CDH8: variants seen among roughly 807,000 people sequenced by gnomAD.
CDH8 encodes the protein cadherin 8.
In CDH8, 17 loss-of-function variants were observed where a neutral mutation model predicts 68.1. That is an observed-to-expected ratio of 0.25 (90% CI 0.17 to 0.37). CDH8 has a LOEUF of 0.37. Among genes scored for constraint, CDH8 ranks in the 10% least tolerant of loss-of-function variants. The pLI is 1.00. For synonymous variants in CDH8, 372 were observed against 365.1 expected (o/e 1.02, Z -0.21); for missense variants, 763 against 999.3 (o/e 0.76, Z 3.19).
intron 3 of CDH8, among the ~76,000 whole-genome samples, chr16:61,884,266 C>T (rs1946493758): frequency 1.3e-5 from 2 of 152,186 alleles, no homozygotes; most frequent in African/African-American, 4.8e-5. Flanking sequence ...AACTCCTTCT[C>T]TTCCTCCTCC....
intron 10 of CDH8, among the ~76,000 whole-genome samples, chr16:61,705,911 A>G (rs779611940): frequency 6.6e-6 from 1 of 152,220 alleles, no homozygotes; most frequent in Non-Finnish European, 1.5e-5. Context: ...CAGAGTCCTG[A>G]GGAAAACAAA....
intron 3 of CDH8, among the ~76,000 whole-genome samples, chr16:61,886,117 T>TTTATCTGTG (rs1448268474): frequency 3.9e-5 from 6 of 152,176 alleles, no homozygotes; most frequent in South Asian, 2.1e-4. Context: ...GCTCATTGCT[T>TTTATCTGTG]TTATCTGTGC....
At chr16:61,903,253 T>C (rs1340172668) in intron 2 of CDH8, among the ~76,000 whole-genome samples, 1 of 152,238 alleles carries the variant, frequency 6.6e-6, no homozygotes, top group Non-Finnish European at 1.5e-5. Flanking sequence ...TATGTTTCAA[T>C]GCTCCCTTCT....
At chr16:61,757,867 C>T (rs570593463) in intron 8 of CDH8, among the ~76,000 whole-genome samples, 1 of 152,034 alleles carries the variant, frequency 6.6e-6, no homozygotes, top group Admixed American at 6.6e-5. Flanking sequence ...TTCAAATTTG[C>T]GAGCAAAATA....
At chr16:61,863,563 G>C (rs1963195064) in intron 3 of CDH8, among the ~76,000 whole-genome samples, 1 of 152,096 alleles carries the variant, frequency 6.6e-6, no homozygotes, top group South Asian at 2.1e-4. Flanking sequence ...ACCCTGATCA[G>C]GAAAACGACA....
chr16:61,680,012 C>T (rs930859075), intron 10 of CDH8, among the ~76,000 whole-genome samples: 1 of 151,964 alleles, frequency 6.6e-6, no homozygotes, highest in African/African-American at 2.4e-5. Context: ...AAGGTAAAAG[C>T]TGTCAAGTGA....
intron 8 of CDH8, among the ~76,000 whole-genome samples, chr16:61,783,584 G>C (rs1381395947): frequency 8.6e-5 from 13 of 150,340 alleles, no homozygotes; most frequent in South Asian, 6.4e-4. Context: ...GAAATACAGA[G>C]AACGCCACAA....
chr16:61,911,627 C>T (rs1049573136), intron 2 of CDH8, among the ~76,000 whole-genome samples: 34 of 147,142 alleles, frequency 2.3e-4, no homozygotes, highest in African/African-American at 8.1e-4. Context: ...CCCTAAACCC[C>T]CCCCCACCAC....
At chr16:61,774,193 G>C (rs988882012) in intron 8 of CDH8, among the ~76,000 whole-genome samples, 1 of 151,882 alleles carries the variant, frequency 6.6e-6, no homozygotes, top group Admixed American at 6.6e-5. Context: ...ATGAAGTGTG[G>C]GCTGGCATTA....
intron 4 of CDH8, among the ~76,000 whole-genome samples, chr16:61,856,708 G>A (rs1285307678): frequency 1.3e-5 from 2 of 152,020 alleles, no homozygotes; most frequent in African/African-American, 2.4e-5. Flanking sequence ...TGTTTTATCT[G>A]ATCTTCTTCA....
chr16:61,890,708 T>C (rs1227180045), intron 3 of CDH8, among the ~76,000 whole-genome samples: 1 of 152,150 alleles, frequency 6.6e-6, no homozygotes, highest in Non-Finnish European at 1.5e-5. Flanking sequence ...ATGATACCAA[T>C]ATTATCCCTT....
At chr16:62,029,754 A>G (rs1196893425) in intron 1 of CDH8, among the ~76,000 whole-genome samples, 1 of 152,224 alleles carries the variant, frequency 6.6e-6, no homozygotes, top group Non-Finnish European at 1.5e-5. Context: ...GCACAAGTGG[A>G]AAGTCTCTAC....
chr16:61,891,618 A>T (rs1310699924), intron 3 of CDH8, among the ~76,000 whole-genome samples: 2 of 152,144 alleles, frequency 1.3e-5, no homozygotes, highest in Non-Finnish European at 2.9e-5. Flanking sequence ...ACATATCTCT[A>T]ATAGAAGTTT....
At chr16:61,662,087 G>GTTTTTTTTTTTT in intron 10 of CDH8, among the ~76,000 whole-genome samples, 2 of 92,788 alleles carry the variant, frequency 2.2e-5, no homozygotes, top group African/African-American at 4.0e-5. Context: ...TTTTACTTTA[G>GTTTTTTTTTTTT]TTTTTTTTTT....
At chr16:61,750,636 C>T (rs1414403546) in intron 8 of CDH8, among the ~76,000 whole-genome samples, 1 of 152,022 alleles carries the variant, frequency 6.6e-6, no homozygotes, top group Non-Finnish European at 1.5e-5. Context: ...AGTTTTCCTC[C>T]AACTAAATTA....
chr16:61,872,213 T>A (rs1289943442), intron 3 of CDH8, among the ~76,000 whole-genome samples: 2 of 152,290 alleles, frequency 1.3e-5, no homozygotes, highest in East Asian at 3.9e-4. Flanking sequence ...TTACTGTAAA[T>A]CAAAAGTATC....
chr16:61,810,481 A>T (rs923733487), intron 7 of CDH8, among the ~76,000 whole-genome samples: 5 of 151,420 alleles, frequency 3.3e-5, no homozygotes, highest in Admixed American at 6.6e-5. Context: ...GAGAGGAGAG[A>T]GAGAGAGAGA....
chr16:61,846,340 T>C (rs1245127436), intron 4 of CDH8, among the ~76,000 whole-genome samples: 1 of 152,168 alleles, frequency 6.6e-6, no homozygotes, highest in African/African-American at 2.4e-5. Flanking sequence ...TAAATTTTTA[T>C]GATGGCATCT....
chr16:61,900,867 C>T (rs900618335), intron 3 of CDH8, among the ~76,000 whole-genome samples: 1 of 152,150 alleles, frequency 6.6e-6, no homozygotes, highest in Admixed American at 6.5e-5. Context: ...CATGTTAGAA[C>T]AAATCTTGAT....
Sources: allele counts gnomAD v4.1 joint callset (sites outside exome capture counted in the v4.1 genomes callset), GRCh38; gene constraint gnomAD v4.1.1; transcripts MANE v1.5; gene names NCBI Gene and HGNC (gene_info 2026-07-23, HGNC 2026-07-21).